Variants in DISC1 observed in about 807,000 individuals in gnomAD.
DISC1 encodes DISC1 scaffold protein, also known as disrupted in schizophrenia 1 protein.
In DISC1, 57 loss-of-function variants were observed where a neutral mutation model predicts 84.5. That is an observed-to-expected ratio of 0.67 (90% confidence interval 0.55 to 0.84). DISC1 has a LOEUF of 0.84. DISC1 is among the 40% of genes least tolerant of loss of function. The probability of loss-of-function intolerance (pLI) is 0.00; values close to 1 mark genes in which losing one functional copy is unlikely to be tolerated. For missense variants in DISC1, 1,000 were observed against 1,057.8 expected (o/e 0.95, Z 0.76); for synonymous variants, 411 against 415.2 (o/e 0.99, Z 0.12).
chr1:231,681,001 A>G (rs2063632091), intron 1 of DISC1, among the ~76,000 whole-genome samples: 1 of 152,218 alleles, frequency 6.6e-6, no homozygotes, highest in African/African-American at 2.4e-5. Context: ...TTTTGAAATA[A>G]CAGCTACACA....
intron 9 of DISC1, among the ~76,000 whole-genome samples, chr1:231,864,175 T>C (rs1410819731): frequency 6.6e-6 from 1 of 152,216 alleles, no homozygotes; most frequent in East Asian, 1.9e-4. Context: ...ACTTGCAATT[T>C]TTCATTATTC....
chr1:231,718,119 C>G (rs2125075992), intron 3 of DISC1, among the ~76,000 whole-genome samples: 1 of 152,246 alleles, frequency 6.6e-6, no homozygotes, highest in East Asian at 1.9e-4. Context: ...TTCCTTCTGT[C>G]CTTTGATCTC....
chr1:231,798,686 C>T (rs112158544), intron 7 of DISC1, among the ~76,000 whole-genome samples: 2 of 152,144 alleles, frequency 1.3e-5, no homozygotes, highest in East Asian at 1.9e-4. Context: ...GAAAGGGTCT[C>T]GGAATTAATT....
chr1:231,892,493 A>G (rs1402226142), intron 9 of DISC1, among the ~76,000 whole-genome samples: 1 of 152,120 alleles, frequency 6.6e-6, no homozygotes, highest in East Asian at 1.9e-4. Flanking sequence ...AGAGGTAAAG[A>G]TACAAGCTCA....
Position 231,866,093 on chromosome 1 carries a change from G to GGT in DISC1, c.1981+47588_1981+47589dup, listed in dbSNP as rs1046423028. ...CTCCTGTGTCCAGACCTCTGAGCCT[G>GGT]GTGTGTGTGTGTGGCTCAGTGCCTT... On this transcript the variant is annotated intron_variant, in intron 9 of 12. Transcript: ENST00000439617. Among the ~76,000 whole-genome samples the GGT allele has an allele frequency of 1.1e-4, 17 of 151,982 alleles. No individual in the cohort carries two copies. In the South Asian group the frequency reaches 1.7e-3, roughly 15 times the overall value.
At chr1:231,834,271 A>C (rs375510535) in intron 9 of DISC1, among the ~76,000 whole-genome samples, 8 of 152,042 alleles carry the variant, frequency 5.3e-5, no homozygotes, top group African/African-American at 1.7e-4. Flanking sequence ...ATTTGGACCT[A>C]GCTTGGCCTG....
chr1:231,694,612 C>A lies in DISC1; in HGVS notation c.854C>A (p.Ser285Tyr), dbSNP rs1376039379. Residue 285 changes from serine (S) to tyrosine (Y), a missense_variant, in exon 2 of 13, where the codon TCC (serine) becomes TAC (tyrosine). By Grantham distance (144) the Ser-to-Tyr change is moderately radical (BLOSUM62 -2). This residue lies in a region of DISC1 where 311 missense variants were observed against 400.1 expected (regional missense o/e 0.78). Coordinates refer to ENST00000439617, the MANE Select transcript of DISC1 (RefSeq NM_018662.3). ...ADLAQAARNS[S>Y]RPERDMHSLP... ...TTGGCCCAGGCCGCAAGGAACAGCTCCAGGCCAGAGCGTGACATGCATTCT... is the reference window on the plus strand; with the variant it reads ...TTGGCCCAGGCCGCAAGGAACAGCTACAGGCCAGAGCGTGACATGCATTCT... The A allele has an allele frequency of 6.2e-7, 1 of 1,614,154 alleles. No homozygotes were observed. Among genetic ancestry groups the A allele is most frequent in the Non-Finnish European group, 8.5e-7 (1 of 1,180,062 alleles).
intron 3 of DISC1, among the ~76,000 whole-genome samples, chr1:231,749,215 C>T (rs1284786103): frequency 6.6e-6 from 1 of 152,178 alleles, no homozygotes; most frequent in Non-Finnish European, 1.5e-5. Flanking sequence ...TATTCATTGC[C>T]TTGGTCCTTT....
At chr1:232,033,763 T>A (rs1353847261) in intron 12 of DISC1, among the ~76,000 whole-genome samples, 1 of 152,210 alleles carries the variant, frequency 6.6e-6, no homozygotes, top group Non-Finnish European at 1.5e-5. Flanking sequence ...GGGAAATGTT[T>A]CCAGTGGTTT....
intron 11 of DISC1, among the ~76,000 whole-genome samples, chr1:232,018,895 G>C (rs1350201253): frequency 6.6e-6 from 1 of 152,164 alleles, no homozygotes; most frequent in South Asian, 2.1e-4. Context: ...TGAGGCAAAG[G>C]CATGTGCTCA....
At chr1:231,696,521 G>C (rs201882073) in intron 2 of DISC1, among the ~76,000 whole-genome samples, 1 of 152,146 alleles carries the variant, frequency 6.6e-6, no homozygotes, top group Non-Finnish European at 1.5e-5. Flanking sequence ...AAGTATTGTT[G>C]TCTATGGCAG....
At chr1:231,982,865 G>C (rs899136859) in intron 10 of DISC1, among the ~76,000 whole-genome samples, 1 of 152,188 alleles carries the variant, frequency 6.6e-6, no homozygotes, top group Non-Finnish European at 1.5e-5. Flanking sequence ...TTCAGTCAAG[G>C]ACAGATCAGG....
intron 9 of DISC1, among the ~76,000 whole-genome samples, chr1:231,861,181 G>T (rs1039850607): frequency 2.6e-5 from 4 of 152,194 alleles, no homozygotes; most frequent in African/African-American, 9.7e-5. Context: ...ATCAGGGTGG[G>T]ACTGGTTATC....
rs1259159424 is a variant in DISC1, at chr1:231,675,124, G to A, written c.68-18702G>A. Among the ~76,000 whole-genome samples, 3 of 152,160 alleles carry A rather than the reference G, an allele frequency of 2.0e-5. No individual in the cohort carries two copies. The highest frequency in any genetic ancestry group is 4.4e-5 in the Non-Finnish European group (3 of 68,020). On this transcript the variant is annotated intron_variant, in intron 1 of 12. Coordinates refer to ENST00000439617, the MANE Select transcript of DISC1 (RefSeq NM_018662.3). This position sits in a 1 kb window ranked among gnomAD's most constrained non-coding sequence, Gnocchi z 4.1. ...CTCTTTAAAAGATGTTATTGATAAT[G>A]AAAAGCTGAGACCCTTGATACTCTG...
At chr1:232,036,641 C>A in intron 12 of DISC1, 51 bp from the exon 13 acceptor site, 1 of 1,475,352 alleles carries the variant, frequency 6.8e-7, no homozygotes, top group Non-Finnish European at 9.1e-7. Flanking sequence ...CCCTCGGAGG[C>A]CGCAGAGGGC....
intron 10 of DISC1, among the ~76,000 whole-genome samples, chr1:232,007,891 C>A (rs1316600551): frequency 6.6e-6 from 1 of 152,104 alleles, no homozygotes; most frequent in African/African-American, 2.4e-5. Flanking sequence ...ATCATGGGGG[C>A]AGTTTCCCCA....
At chr1:231,814,945 A>G (rs2080763879) in intron 8 of DISC1, 1 of 114,698 alleles carries the variant, frequency 8.7e-6, no homozygotes, top group African/African-American at 3.0e-5. Context: ...TAAAATAATA[A>G]TAATAATAAT....
chr1:231,879,261 C>T (rs2125979343), intron 9 of DISC1, among the ~76,000 whole-genome samples: 1 of 152,132 alleles, frequency 6.6e-6, no homozygotes, highest in South Asian at 2.1e-4. Context: ...ATTAGGGATG[C>T]TCAGACTGTA....
chr1:231,666,667 G>A (rs1488016074), intron 1 of DISC1, among the ~76,000 whole-genome samples: 1 of 152,148 alleles, frequency 6.6e-6, no homozygotes, highest in African/African-American at 2.4e-5. Flanking sequence ...CACTTCAGGT[G>A]GCATGGGCTC....
Sources: gnomAD v4.1 joint callset for allele counts (sites outside exome capture counted in the v4.1 genomes callset) on GRCh38, gnomAD v4.1.1 for gene constraint, gnomAD v4.1.1 regional missense constraint, Gnocchi (gnomAD v3.1) non-coding constraint, MANE v1.5 for transcripts, NCBI Gene and HGNC (gene_info 2026-07-23, HGNC 2026-07-21) for gene names.